Variants in NDFIP1 observed in about 807,000 individuals in gnomAD.
The protein encoded by NDFIP1 is Nedd4 family interacting protein 1.
Under a neutral mutation model 28.8 loss-of-function variants are expected in NDFIP1, and 7 were observed. The ratio of observed to expected loss-of-function variants is 0.24; its 90% CI spans 0.14 to 0.46. The LOEUF (loss-of-function observed/expected upper bound fraction) is 0.46. Among genes scored for constraint, NDFIP1 ranks in the 20% least tolerant of loss-of-function variants. NDFIP1 has a pLI of 0.99. For synonymous variants in NDFIP1, 92 were observed against 101.0 expected (o/e 0.91, Z 0.53); for missense variants, 194 against 269.1 (o/e 0.72, Z 1.95).
At chr5:142,142,757 G>A (rs1412197015) in intron 6 of NDFIP1, among the ~76,000 whole-genome samples, 3 of 151,192 alleles carry the variant, frequency 2.0e-5, no homozygotes, top group South Asian at 2.1e-4. Context: ...GTGAAACCCC[G>A]TCTCTACTAA....
intron 7 of NDFIP1, among the ~76,000 whole-genome samples, chr5:142,147,082 A>T (rs995994938): frequency 7.2e-5 from 11 of 152,200 alleles, no homozygotes; most frequent in Admixed American, 7.2e-4. Flanking sequence ...ATTGGAGGGC[A>T]TAATAGAGTT....
chr5:142,142,099 T>A (rs1166229757), intron 6 of NDFIP1, among the ~76,000 whole-genome samples: 1 of 152,174 alleles, frequency 6.6e-6, no homozygotes, highest in Non-Finnish European at 1.5e-5. Flanking sequence ...ATGGCGTCAC[T>A]GCACTTCAGC....
At chr5:142,121,428 A>G (rs191565930) in intron 1 of NDFIP1, among the ~76,000 whole-genome samples, 2 of 152,352 alleles carry the variant, frequency 1.3e-5, no homozygotes, top group Admixed American at 1.3e-4. Context: ...TATGAAAGGA[A>G]TACATAGTAT....
At chr5:142,124,685 GA>G (rs1757152851) in intron 1 of NDFIP1, among the ~76,000 whole-genome samples, 1 of 152,120 alleles carries the variant, frequency 6.6e-6, no homozygotes, top group South Asian at 2.1e-4. Flanking sequence ...GGCAAATTTT[GA>G]TTTTTAAATG....
chr5:142,134,491 T>G lies in NDFIP1; in HGVS notation c.283-1239T>G, dbSNP rs555177576. On this transcript the variant is annotated intron_variant, in intron 3 of 7. Coordinates refer to ENST00000253814, the MANE Select transcript of NDFIP1 (RefSeq NM_030571.4). ...ATTTCAAACAATAGAGGAAGTATGT[T>G]AAGTTAGAAAAGGAAGCTGCCATTG... 2.0e-5 allele frequency among the ~76,000 whole-genome samples: 3 copies of G among 152,332 alleles called. No individual in the cohort carries two copies. The East Asian group carries it at 5.8e-4, about 29-fold the overall frequency.
intron 7 of NDFIP1, among the ~76,000 whole-genome samples, chr5:142,151,368 C>T (rs914460525): frequency 1.3e-5 from 2 of 152,154 alleles, no homozygotes; most frequent in African/African-American, 2.4e-5. Context: ...ATTACTTGTG[C>T]ACTTGGATTA....
intron 5 of NDFIP1, among the ~76,000 whole-genome samples, chr5:142,139,010 G>A (rs990137787): frequency 6.6e-6 from 1 of 151,650 alleles, no homozygotes; most frequent in Non-Finnish European, 1.5e-5. Flanking sequence ...GAAGTCAGGA[G>A]ATCGAGACCA....
At chr5:142,141,166 G>GA (rs1757325113) in intron 6 of NDFIP1, among the ~76,000 whole-genome samples, 1 of 131,558 alleles carries the variant, frequency 7.6e-6, no homozygotes, top group Admixed American at 8.2e-5. Flanking sequence ...TAGGCAAGAG[G>GA]ACTTTTTTTT....
Position 142,152,844 on chromosome 5 carries a change from A to G in NDFIP1, c.*1116A>G, listed in dbSNP as rs1239611812. 1.2e-5 allele frequency: 2 copies of G among 164,224 alleles called. No homozygotes were observed. The highest frequency in any genetic ancestry group is 2.7e-5 in the Non-Finnish European group (2 of 75,210). 10.2% of individuals were successfully genotyped at this position (164,224 alleles called of 1,614,324 possible). ...TTGATTGCTAAGGCAATTTTTTCTA[A>G]TCTTAGGGAATCATTCAGTAGATGC... On this transcript the variant is annotated 3_prime_UTR_variant, in exon 8 of 8. Coordinates refer to ENST00000253814, the MANE Select transcript of NDFIP1 (RefSeq NM_030571.4).
chr5:142,108,980 G>T lies in NDFIP1; in HGVS notation c.6G>T (p.Ala2=), dbSNP rs1044096. ...TCCCTGCTGCCGGCTGCGCCATGGCGTTGGCGTTGGCGGCGCTGGCGGCGG... is the reference window on the plus strand; with the variant it reads ...TCCCTGCTGCCGGCTGCGCCATGGCTTTGGCGTTGGCGGCGCTGGCGGCGG... The part of the protein sequence containing the change: M[A]LALAALAAVE... Residue 2 remains alanine (A), a synonymous_variant, in exon 1 of 8, where the codon GCG becomes GCT. Coordinates refer to ENST00000253814, the MANE Select transcript of NDFIP1 (RefSeq NM_030571.4). The T allele has an allele frequency of 6.9e-7, 1 of 1,446,370 alleles. No individual in the cohort carries two copies. Among genetic ancestry groups the T allele is most frequent in the African/African-American group, 1.5e-5 (1 of 67,756 alleles). 89.6% of individuals were successfully genotyped at this position (1,446,370 alleles called of 1,614,324 possible). A position where few individuals can be genotyped will look rare whatever the true frequency, so the allele number is the denominator to read the frequency against.
chr5:142,111,981 T>C (rs1322813979), intron 1 of NDFIP1, among the ~76,000 whole-genome samples: 14 of 142,270 alleles, frequency 9.8e-5, no homozygotes, highest in Middle Eastern at 4.5e-3. Flanking sequence ...GCAGGAGAAT[T>C]GCTTGAACCT....
intron 2 of NDFIP1, 21 bp downstream of exon 2, chr5:142,131,916 A>T: frequency 6.4e-7 from 1 of 1,552,154 alleles, no homozygotes; most frequent in Non-Finnish European, 8.7e-7. Flanking sequence ...GGGCAAGGTG[A>T]TCACGGAATC....
intron 4 of NDFIP1, among the ~76,000 whole-genome samples, chr5:142,136,739 G>C (rs1757279329): frequency 8.4e-6 from 1 of 119,622 alleles, no homozygotes; most frequent in African/African-American, 3.2e-5. Context: ...TGGGGGACAA[G>C]AGTGAGACTT....
intron 1 of NDFIP1, among the ~76,000 whole-genome samples, chr5:142,120,652 C>A (rs557756798): frequency 6.6e-6 from 1 of 152,306 alleles, no homozygotes; most frequent in Non-Finnish European, 1.5e-5. Flanking sequence ...CTTTGTGTTT[C>A]ATTTGCTAAA....
At chr5:142,129,509 C>T (rs1304805291) in intron 1 of NDFIP1, among the ~76,000 whole-genome samples, 1 of 152,134 alleles carries the variant, frequency 6.6e-6, no homozygotes, top group Admixed American at 6.5e-5. Context: ...ATGGTAGATG[C>T]TGATGAGAAT....
chr5:142,118,010 C>G (rs1757087378), intron 1 of NDFIP1, among the ~76,000 whole-genome samples: 1 of 152,106 alleles, frequency 6.6e-6, no homozygotes, highest in South Asian at 2.1e-4. Flanking sequence ...GCTGGGACCA[C>G]AGGCACACGC....
In NDFIP1 at chr5:142,131,892, G is replaced by C; in HGVS notation, c.148G>C (p.Ala50Pro). 1 of 1,593,984 alleles carries C rather than the reference G, an allele frequency of 6.3e-7. No individual in the cohort carries two copies. The highest frequency in any genetic ancestry group is 1.4e-5 in the African/African-American group (1 of 73,758). ...PPYSSISAES[A>P]AYFDYKDESG... is the part of the protein sequence containing the mutation. ...TTACAGCAGCATTTCTGCAGAGAGC[G>C]CAGGTAGGTAACAGGGCAAGGTGAT... The change falls in exon 2 of 8, where the codon GCA becomes CCA. Residue 50 changes from alanine to proline, a missense_variant. Physicochemically the swap from Ala to Pro is conservative, Grantham distance 27. Transcript: ENST00000253814.
chr5:142,150,300 C>T (rs1466658793), intron 7 of NDFIP1, among the ~76,000 whole-genome samples: 2 of 150,742 alleles, frequency 1.3e-5, no homozygotes, highest in African/African-American at 4.9e-5. Flanking sequence ...TTCTTTTTTG[C>T]TTCTGCTTGG....
rs572728017 is a variant in NDFIP1 at position 142,141,037 on chromosome 5, G to T, written c.562+408G>T. Among the ~76,000 whole-genome samples the T allele has an allele frequency of 2.6e-5, 4 of 152,174 alleles. No homozygotes were observed. The South Asian group carries it at 8.3e-4, about 32-fold the overall frequency. ...AGTGCAGGTGGCCCATCTTTGGTGG[G>T]TCTGTCAGTAGAAAACAGAAAATAT... is the stretch of plus-strand genomic sequence containing the variant. On this transcript the variant is annotated intron_variant, in intron 6 of 7. Transcript: ENST00000253814.
Sources: allele counts gnomAD v4.1 joint callset (sites outside exome capture counted in the v4.1 genomes callset), GRCh38; gene constraint gnomAD v4.1.1; transcripts MANE v1.5; gene names NCBI Gene and HGNC (gene_info 2026-07-23, HGNC 2026-07-21).